Variants in PLXNA4 observed in about 807,000 individuals in gnomAD.
PLXNA4 encodes the protein plexin-A4.
A neutral mutation model predicts 191.8 loss-of-function variants in PLXNA4; 44 were observed. The observed-to-expected ratio is 0.23, with a 90% CI of 0.18 to 0.29. PLXNA4 has a LOEUF of 0.29. Ranked by LOEUF, PLXNA4 falls within the 10% of genes least tolerant of loss-of-function variation. The pLI is 1.00. For missense variants in PLXNA4, 1,800 were observed against 2,488.8 expected (o/e 0.72, Z 5.89); for synonymous variants, 1,082 against 1,009.5 (o/e 1.07, Z -1.36).
chr7:132,290,750 GA>G (rs534887420), intron 4 of PLXNA4, among the ~76,000 whole-genome samples: 6 of 152,196 alleles, frequency 3.9e-5, no homozygotes, highest in East Asian at 3.9e-4. Context: ...GGCTCTGAAA[GA>G]GACAGTTAAA....
intron 3 of PLXNA4, among the ~76,000 whole-genome samples, chr7:132,398,600 C>T (rs186613297): frequency 5.3e-5 from 8 of 152,316 alleles, no homozygotes; most frequent in South Asian, 2.1e-4. Flanking sequence ...GCTCCAGGGA[C>T]GCAGGGAGGC....
chr7:132,175,972 A>T (rs542640254), intron 20 of PLXNA4, among the ~76,000 whole-genome samples: 3 of 152,350 alleles, frequency 2.0e-5, no homozygotes, highest in Middle Eastern at 6.8e-3. Flanking sequence ...AACAAGCCCA[A>T]TGTGGCTCTA....
intron 3 of PLXNA4, among the ~76,000 whole-genome samples, chr7:132,436,251 C>T (rs2117221536): frequency 6.6e-6 from 1 of 152,330 alleles, no homozygotes; most frequent in East Asian, 1.9e-4. Flanking sequence ...TGACATATGA[C>T]ATGCTGCACA....
At chr7:132,336,055 CAT>C (rs1458574674) in intron 3 of PLXNA4, among the ~76,000 whole-genome samples, 2 of 152,186 alleles carry the variant, frequency 1.3e-5, no homozygotes, top group African/African-American at 4.8e-5. Context: ...GCAGAGCTGA[CAT>C]ATTCTCTGTC....
intron 2 of PLXNA4, among the ~76,000 whole-genome samples, chr7:132,610,033 T>C (rs1387808269): frequency 6.6e-6 from 1 of 152,138 alleles, no homozygotes; most frequent in Non-Finnish European, 1.5e-5. Context: ...CCAGGGTGAG[T>C]TGTAATTATG....
chr7:132,259,644 C>A (rs2116230343), intron 4 of PLXNA4, among the ~76,000 whole-genome samples: 1 of 152,022 alleles, frequency 6.6e-6, no homozygotes, highest in East Asian at 1.9e-4. Flanking sequence ...GGCGGTCCAT[C>A]CACTACCCAC....
At chr7:132,311,193 T>TGTGTGTGTGTGTGCAC (rs71178034) in intron 3 of PLXNA4, among the ~76,000 whole-genome samples, 6 of 89,828 alleles carry the variant, frequency 6.7e-5, no homozygotes, top group Non-Finnish European at 1.2e-4. Flanking sequence ...TGTGTGTGTG[T>TGTGTGTGTGTGTGCAC]GCGCGTGTGG....
intron 3 of PLXNA4, among the ~76,000 whole-genome samples, chr7:132,322,183 G>GCTGT (rs1554413722): frequency 3.7e-5 from 3 of 81,822 alleles, no homozygotes; most frequent in African/African-American, 1.7e-4. Flanking sequence ...CCCTAAAAGG[G>GCTGT]CTTTTTTTTT....
chr7:132,233,670 C>T (rs892179628), intron 5 of PLXNA4, among the ~76,000 whole-genome samples: 1 of 152,190 alleles, frequency 6.6e-6, no homozygotes, highest in African/African-American at 2.4e-5. Context: ...TAGCAGAAAC[C>T]AGCAGGTTCA....
chr7:132,423,389 G>T (rs536588554), intron 3 of PLXNA4, among the ~76,000 whole-genome samples: 2 of 152,328 alleles, frequency 1.3e-5, no homozygotes, highest in Admixed American at 1.3e-4. Flanking sequence ...GCCCTGTTCT[G>T]TCCTCCCTCA....
In PLXNA4 at chr7:132,182,119, T is replaced by C. The variant is rs768791213; in HGVS notation, c.3230A>G (p.His1077Arg). Residue 1077 changes from histidine to arginine, a missense_variant, in exon 17 of 32, where the codon CAT (histidine) becomes CGT (arginine). Coordinates refer to ENST00000321063, the MANE Select transcript of PLXNA4 (RefSeq NM_020911.2). The part of the protein sequence containing the change: ...LIQNPQIRAK[H>R]GGKEHINICE... ...CACATTGATGTGCTCCTTCCCTCCA[T>C]GCTTGGCACGGATCTGGGGGTTCTG... 6.8e-6 allele frequency: 11 copies of C among 1,614,162 alleles called. No individual in the cohort carries two copies. Among genetic ancestry groups the C allele is most frequent in the East Asian group, 2.2e-5 (1 of 44,864 alleles).
rs770080986 is a variant in PLXNA4, at chr7:132,168,352, A to G, written c.4238T>C (p.Ile1413Thr). The G allele has an allele frequency of 7.5e-6, 12 of 1,603,046 alleles. No homozygotes were observed. The highest frequency in any genetic ancestry group is 2.7e-5 in the African/African-American group (2 of 74,768). Reference sequence around the variant, plus strand: ...GTTCTTGCTCTCCAGGTTCTTGTCAATGAGGTCGGCCAGCAGCTGCTTCAG... The same window carrying G: ...GTTCTTGCTCTCCAGGTTCTTGTCAGTGAGGTCGGCCAGCAGCTGCTTCAG... Reference protein sequence around the residue: ...DVLKQLLADLIDKNLESKNHP... With the variant: ...DVLKQLLADLTDKNLESKNHP... The change falls in exon 22 of 32, where the codon ATT (isoleucine) becomes ACT (threonine). Residue 1413 changes from isoleucine to threonine, a missense_variant. By Grantham distance (89) the Ile-to-Thr change is moderately conservative. Around this residue, in one of 6 missense-constraint regions of PLXNA4, gnomAD observed 1,397 missense variants for 1,880.4 expected, o/e 0.74. Transcript: ENST00000321063.
chr7:132,223,482 G>T (rs1393673490), intron 9 of PLXNA4, 45 bp downstream of exon 9: 8 of 1,490,896 alleles, frequency 5.4e-6, no homozygotes, highest in African/African-American at 1.4e-5. Context: ...TGTGTCCCAT[G>T]CTCACAACAA....
At chr7:132,646,865 TCACA>T (rs1803879436) in intron 1 of PLXNA4, among the ~76,000 whole-genome samples, 1 of 151,874 alleles carries the variant, frequency 6.6e-6, no homozygotes, top group South Asian at 2.1e-4. Context: ...TGTCATACAC[TCACA>T]AACACATGCT....
intron 2 of PLXNA4, among the ~76,000 whole-genome samples, chr7:132,612,226 G>C (rs141774179): frequency 6.6e-6 from 1 of 152,164 alleles, no homozygotes; most frequent in African/African-American, 2.4e-5. Flanking sequence ...AGGACACTGG[G>C]AAATAGCACC....
At chr7:132,344,857 G>A (rs528915453) in intron 3 of PLXNA4, among the ~76,000 whole-genome samples, 1 of 152,258 alleles carries the variant, frequency 6.6e-6, no homozygotes, top group African/African-American at 2.4e-5. Context: ...GGCATCCTGT[G>A]TCTAAACCCA....
At chr7:132,530,785 G>A (rs1799589670) in intron 1 of PLXNA4, among the ~76,000 whole-genome samples, 1 of 152,184 alleles carries the variant, frequency 6.6e-6, no homozygotes, top group South Asian at 2.1e-4. Flanking sequence ...GTACAACAAT[G>A]TTCATTGCAG....
At chr7:132,587,708 A>G (rs1802528026) in intron 2 of PLXNA4, among the ~76,000 whole-genome samples, 1 of 152,040 alleles carries the variant, frequency 6.6e-6, no homozygotes, top group Admixed American at 6.5e-5. Context: ...GAAGCCAGAA[A>G]CATAAGGCCA....
intron 15 of PLXNA4, 62 bp from the exon 16 acceptor site, chr7:132,185,525 C>A: frequency 1.3e-6 from 2 of 1,549,458 alleles, no homozygotes; most frequent in South Asian, 2.5e-5. Flanking sequence ...GGTCCTGAGT[C>A]AAGGCCCTCC....
Sources: gnomAD v4.1 joint callset for allele counts (sites outside exome capture counted in the v4.1 genomes callset) on GRCh38, gnomAD v4.1.1 for gene constraint, gnomAD v4.1.1 regional missense constraint, MANE v1.5 for transcripts, NCBI Gene and HGNC (gene_info 2026-07-23, HGNC 2026-07-21) for gene names.